The following ELAVL2 variants were observed in gnomAD, a reference collection of about 807,000 sequenced individuals.
ELAVL2 encodes ELAV-like protein 2.
In ELAVL2, 4 loss-of-function variants were observed where a neutral mutation model predicts 34.6. The observed-to-expected ratio is 0.12, with a 90% CI of 0.06 to 0.26. The LOEUF is 0.26. ELAVL2 is among the 10% of genes least tolerant of loss of function. ELAVL2 has a pLI of 1.00. For synonymous variants in ELAVL2, 193 were observed against 154.8 expected (o/e 1.25, Z -1.83); for missense variants, 432 against 442.8 (o/e 0.98, Z 0.22).
chr9:23,799,753 C>T (rs1044262067), intron 1 of ELAVL2, among the ~76,000 whole-genome samples: 1 of 152,156 alleles, frequency 6.6e-6, no homozygotes, highest in African/African-American at 2.4e-5. Context: ...CTTTACAGAC[C>T]TAACACACCA....
chr9:23,792,422 T>G (rs2060433883), intron 1 of ELAVL2, among the ~76,000 whole-genome samples: 1 of 152,162 alleles, frequency 6.6e-6, no homozygotes, highest in African/African-American at 2.4e-5. Context: ...CTAATTTACC[T>G]TCACTAAAAT....
At chr9:23,712,970 C>T (rs1419061274) in intron 3 of ELAVL2, among the ~76,000 whole-genome samples, 1 of 152,180 alleles carries the variant, frequency 6.6e-6, no homozygotes, top group African/African-American at 2.4e-5. Context: ...CAAATTAGAC[C>T]ACCTTTTTCA....
chr9:23,807,227 A>G (rs1445370434), intron 1 of ELAVL2, among the ~76,000 whole-genome samples: 1 of 152,144 alleles, frequency 6.6e-6, no homozygotes, highest in Non-Finnish European at 1.5e-5. Flanking sequence ...GAAAGACACT[A>G]TTTTAAAATA....
chr9:23,727,519 A>C, intron 3 of ELAVL2, among the ~76,000 whole-genome samples: 1 of 152,092 alleles, frequency 6.6e-6, no homozygotes, highest in East Asian at 1.9e-4. Flanking sequence ...CAAATACCAA[A>C]TGTATAGAGA....
chr9:23,829,609 G>A (rs981188667), upstream of ELAVL2: 1 of 152,170 alleles, frequency 6.6e-6, no homozygotes, highest in African/African-American at 2.4e-5. Flanking sequence ...TTTAATGTCT[G>A]CATGAGAAAT....
At chr9:23,742,882 T>TCA (rs2049600994) in intron 2 of ELAVL2, among the ~76,000 whole-genome samples, 1 of 152,136 alleles carries the variant, frequency 6.6e-6, no homozygotes, top group South Asian at 2.1e-4. Context: ...CTTAAAATAG[T>TCA]CACACACAGC....
intron 1 of ELAVL2, among the ~76,000 whole-genome samples, chr9:23,811,213 G>C (rs771970865): frequency 2.0e-4 from 31 of 152,050 alleles, no homozygotes; most frequent in Admixed American, 5.2e-4. Context: ...TTTTCAAAAA[G>C]TCCAAGAAAC....
At chr9:23,702,041 G>A (rs1442926039) in intron 4 of ELAVL2, among the ~76,000 whole-genome samples, 1 of 152,124 alleles carries the variant, frequency 6.6e-6, no homozygotes, top group African/African-American at 2.4e-5. Flanking sequence ...ACAGAAAGAA[G>A]AATTTGCTAA....
intron 5 of ELAVL2, among the ~76,000 whole-genome samples, chr9:23,700,076 C>T (rs2036659614): frequency 6.6e-6 from 1 of 151,688 alleles, no homozygotes; most frequent in Non-Finnish European, 1.5e-5. Flanking sequence ...TGCAAATATT[C>T]CAATGAAAAA....
At chr9:23,806,560 C>T (rs1414653836) in intron 1 of ELAVL2, among the ~76,000 whole-genome samples, 1 of 151,950 alleles carries the variant, frequency 6.6e-6, no homozygotes, top group African/African-American at 2.4e-5. Context: ...TCCCTAAAAG[C>T]CCAGGAATTC....
the ELAVL2 span, among the ~76,000 whole-genome samples, chr9:23,837,682 C>A: frequency 2.6e-5 from 4 of 152,018 alleles, no homozygotes; most frequent in African/African-American, 9.7e-5. Context: ...TCCAGATGTA[C>A]AATTTTGTAA....
At chr9:23,744,538 T>C (rs1319792418) in intron 2 of ELAVL2, among the ~76,000 whole-genome samples, 2 of 152,156 alleles carry the variant, frequency 1.3e-5, no homozygotes, top group Non-Finnish European at 2.9e-5. Flanking sequence ...CTAGCCCCTG[T>C]ACCCAAACAG....
chr9:23,692,985 G>C (rs972544598), intron 6 of ELAVL2, 101 bp from the exon 7 acceptor site: 1 of 1,062,368 alleles, frequency 9.4e-7, no homozygotes, highest in Admixed American at 2.8e-5. Context: ...AAGAATTTTA[G>C]TAACTCTCCT....
chr9:23,734,927 C>G (rs1315691241), intron 2 of ELAVL2, among the ~76,000 whole-genome samples: 2 of 151,624 alleles, frequency 1.3e-5, no homozygotes, highest in Admixed American at 6.6e-5. Context: ...CCATATCATC[C>G]AAACCTATTT....
chr9:23,756,894 C>A (rs1244472858), intron 2 of ELAVL2, among the ~76,000 whole-genome samples: 1 of 152,074 alleles, frequency 6.6e-6, no homozygotes, highest in African/African-American at 2.4e-5. Flanking sequence ...ATTCAGTAGG[C>A]CTGGACAGAG....
Position 23,690,873 on chromosome 9 carries a change from C to A in ELAVL2, c.*1684G>T, listed in dbSNP as rs2032950279. 1 of 152,346 alleles carries A rather than the reference C, an allele frequency of 6.6e-6. No homozygotes were observed. Among genetic ancestry groups the A allele is most frequent in the Non-Finnish European group, 1.5e-5 (1 of 67,934 alleles). 9.4% of individuals were successfully genotyped at this position (152,346 alleles called of 1,614,324 possible). A position where few individuals can be genotyped will look rare whatever the true frequency, so the allele number is the denominator to read the frequency against. On this transcript the variant is annotated 3_prime_UTR_variant, in exon 7 of 7. Coordinates refer to ENST00000397312, the MANE Select transcript of ELAVL2 (RefSeq NM_004432.5). ...AAATATTTTGTATTTTTTAAAATTT[C>A]TTTCATACATGGTAAAGACTTATTT...
At chr9:23,759,345 C>T (rs775586752) in intron 2 of ELAVL2, among the ~76,000 whole-genome samples, 3 of 151,686 alleles carry the variant, frequency 2.0e-5, no homozygotes, top group Non-Finnish European at 2.9e-5. Context: ...TAGGTAGAAT[C>T]GAAAAATGCT....
At chr9:23,821,029 A>C (rs1465351185) in intron 1 of ELAVL2, among the ~76,000 whole-genome samples, 1 of 152,096 alleles carries the variant, frequency 6.6e-6, no homozygotes, top group Non-Finnish European at 1.5e-5. Flanking sequence ...TAAGTCTCCA[A>C]ACGCCCCGAG....
chr9:23,730,932 C>G (rs2046371112), intron 3 of ELAVL2, 90 bp downstream of exon 3: 1 of 1,250,170 alleles, frequency 8.0e-7, no homozygotes, highest in Non-Finnish European at 1.1e-6. Context: ...TTATATGGGC[C>G]CAAAAGGAAG....
Sources: allele counts gnomAD v4.1 joint callset (sites outside exome capture counted in the v4.1 genomes callset), GRCh38; gene constraint gnomAD v4.1.1; transcripts MANE v1.5; gene names NCBI Gene and HGNC (gene_info 2026-07-23, HGNC 2026-07-21).